The following RBBP8 variants were observed in gnomAD, a reference collection of about 807,000 sequenced individuals.
RBBP8 encodes DNA endonuclease RBBP8.
Under a neutral mutation model 108.3 loss-of-function variants are expected in RBBP8, and 88 were observed. The ratio of observed to expected loss-of-function variants is 0.81; its 90% CI spans 0.68 to 0.97. The LOEUF is 0.97. Ranked by LOEUF, RBBP8 falls within the 50% of genes least tolerant of loss-of-function variation. The pLI is 0.00. For synonymous variants in RBBP8, 332 were observed against 348.2 expected, an observed-to-expected ratio of 0.95 and a Z score of 0.52; for missense variants, 1,023 against 1,049.0, an observed-to-expected ratio of 0.98 and a Z score of 0.34.
chr18:23,016,773 G>T, intron 16 of RBBP8, 55 bp from the exon 17 acceptor site: 2 of 1,249,458 alleles, frequency 1.6e-6, no homozygotes, highest in South Asian at 2.4e-5. Context: ...ATGTTTTGGG[G>T]ATTATTTCTC....
At chr18:22,985,971 A>G (rs774894537) in intron 8 of RBBP8, among the ~76,000 whole-genome samples, 18 of 148,412 alleles carry the variant, frequency 1.2e-4, no homozygotes, top group Non-Finnish European at 2.5e-4. Flanking sequence ...CCCCCACCCC[A>G]GCATTTTTAG....
chr18:22,982,394 G>A lies in RBBP8; in HGVS notation c.604+1G>A. 1 of 1,613,862 alleles carries A rather than the reference G, an allele frequency of 6.2e-7. No homozygotes were observed. The highest frequency in any genetic ancestry group is 8.5e-7 in the Non-Finnish European group (1 of 1,179,950). ...TTGGAGCACTCTGTGTGTGCAAATGGTAAGAGTTGGAGTTGTATTTTAGTT... is the reference window on the plus strand; with the variant it reads ...TTGGAGCACTCTGTGTGTGCAAATGATAAGAGTTGGAGTTGTATTTTAGTT... On this transcript the variant is annotated splice_donor_variant, in intron 7 of 18. Transcript: ENST00000327155. LOFTEE classifies it high-confidence loss of function.
intron 17 of RBBP8, among the ~76,000 whole-genome samples, chr18:23,018,392 T>A (rs551979707): frequency 1.3e-5 from 2 of 152,186 alleles, no homozygotes; most frequent in South Asian, 4.2e-4. Flanking sequence ...GAATAAATAC[T>A]TAAACACTTA....
At position 22,984,992 on chromosome 18, in the gene RBBP8, T is replaced by A. The variant is rs1440762762; in HGVS notation, c.709+2T>A. 1 of 1,610,782 alleles carries A rather than the reference T, an allele frequency of 6.2e-7. No individual in the cohort carries two copies. Among genetic ancestry groups the A allele is most frequent in the East Asian group, 2.2e-5 (1 of 44,650 alleles). ...ACCAAAGTCAATCTCCAATGGCCAG[T>A]AAGCAAGATACTGAGATTACTTTAC... On this transcript the variant is annotated splice_donor_variant, in intron 8 of 18. Coordinates refer to ENST00000327155, the MANE Select transcript of RBBP8 (RefSeq NM_002894.3). LOFTEE classifies it high-confidence loss of function.
intron 12 of RBBP8, among the ~76,000 whole-genome samples, chr18:22,994,534 C>A (rs1256291476): frequency 6.8e-6 from 1 of 147,818 alleles, no homozygotes; most frequent in Non-Finnish European, 1.5e-5. Flanking sequence ...CCCAGCTATT[C>A]GGGAGGCTGA....
In RBBP8 at chr18:22,946,461, A is replaced by C; in HGVS notation, c.127A>C (p.Thr43Pro). The change falls in exon 3 of 19, where the codon ACC becomes CCC. Residue 43 changes from threonine (T) to proline (P), a missense_variant. Thr to Pro is a conservative substitution (Grantham distance 38). Transcript: ENST00000327155. Reference protein sequence around the residue: ...REVQGLQVKVTKLKQERILDA... With the variant: ...REVQGLQVKVPKLKQERILDA... ...CTTTTCAGGTTTACAAGTAAAAGTA[A>C]CCAAGCTAAAACAGGAACGAATCTT... The C allele has an allele frequency of 6.2e-7, 1 of 1,612,884 alleles. No homozygotes were observed. The highest frequency in any genetic ancestry group is 8.5e-7 in the Non-Finnish European group (1 of 1,179,276).
In RBBP8 at chr18:22,933,376, A is replaced by AGCCCGGCCGGCAGC. The variant is rs1910173144; in HGVS notation, c.-286_-273dup. ...GGCGGGGCGGGTCCGGCCGCCTCCG[A>AGCCCGGCCGGCAGC]GCCCGGCCGGCAGCCCCCGGCCTTA... On this transcript the variant is annotated 5_prime_UTR_variant, in exon 1 of 19. Transcript: ENST00000327155. 1 of 152,400 alleles carries AGCCCGGCCGGCAGC rather than the reference A, an allele frequency of 6.6e-6. No individual in the cohort carries two copies. The highest frequency in any genetic ancestry group is 2.1e-4 in the South Asian group (1 of 4,802). 9.4% of individuals were successfully genotyped at this position (152,400 alleles called of 1,614,324 possible).
intron 4 of RBBP8, among the ~76,000 whole-genome samples, chr18:22,968,559 A>G (rs540787197): frequency 5.9e-5 from 9 of 152,366 alleles, no homozygotes; most frequent in African/African-American, 1.9e-4. Context: ...AGCTTCTTCA[A>G]TAAATAAGTT....
chr18:23,023,298 T>G (rs551108062), intron 18 of RBBP8, among the ~76,000 whole-genome samples: 1 of 152,310 alleles, frequency 6.6e-6, no homozygotes, highest in South Asian at 2.1e-4. Flanking sequence ...ATTTTGGATT[T>G]TAAAACCTCA....
chr18:22,949,504 T>C, intron 3 of RBBP8, 114 bp from the exon 4 acceptor site: 2 of 791,278 alleles, frequency 2.5e-6, no homozygotes, highest in South Asian at 3.0e-5. Flanking sequence ...CCTGACCTTT[T>C]CAGTTGTTTT....
chr18:22,931,301 T>G (rs1300624467), upstream of RBBP8, among the ~76,000 whole-genome samples: 3 of 152,056 alleles, frequency 2.0e-5, no homozygotes, highest in Non-Finnish European at 4.4e-5. Context: ...AAAAGTCTAG[T>G]GAGACCAGAG....
chr18:22,952,796 C>G (rs1304008591), intron 4 of RBBP8, among the ~76,000 whole-genome samples: 1 of 152,184 alleles, frequency 6.6e-6, no homozygotes, highest in East Asian at 1.9e-4. Flanking sequence ...ACATATCTCT[C>G]TCAGCCTTTA....
chr18:22,943,079 A>G (rs995068348), intron 2 of RBBP8, among the ~76,000 whole-genome samples: 2 of 152,004 alleles, frequency 1.3e-5, no homozygotes, highest in African/African-American at 4.8e-5. Flanking sequence ...CTATACATAG[A>G]ATCAAAAATT....
chr18:23,005,658 C>T (rs1483120718), intron 15 of RBBP8, among the ~76,000 whole-genome samples: 1 of 152,022 alleles, frequency 6.6e-6, no homozygotes, highest in Non-Finnish European at 1.5e-5. Context: ...GGTGATCCAC[C>T]CACCTCGGCC....
chr18:22,951,476 C>A (rs1257111083), intron 4 of RBBP8, among the ~76,000 whole-genome samples: 1 of 151,822 alleles, frequency 6.6e-6, no homozygotes, highest in Non-Finnish European at 1.5e-5. Flanking sequence ...GAAAAAAAAA[C>A]CAAACGCAGC....
chr18:22,980,965 C>CTTTTTTTTGTTTTTTTT (rs1914882332), intron 6 of RBBP8, among the ~76,000 whole-genome samples: 1 of 69,490 alleles, frequency 1.4e-5, no homozygotes, highest in Non-Finnish European at 2.6e-5. Flanking sequence ...CCACTTATGT[C>CTTTTTTTTGTTTTTTTT]TTTTTTTTTT....
At chr18:23,001,863 G>C (rs2045954556) in intron 15 of RBBP8, 134 bp downstream of exon 15, 1 of 1,287,776 alleles carries the variant, frequency 7.8e-7, no homozygotes, top group African/African-American at 1.5e-5. Context: ...ATTTTTTCAG[G>C]TTTTTAAAAT....
Position 23,023,550 on chromosome 18 carries a change from C to G in RBBP8, c.2596+1280C>G, listed in dbSNP as rs1410362314. On this transcript the variant is annotated intron_variant, in intron 18 of 18. Transcript: ENST00000327155. ...ATTTTTCTGGTTTTATATTTTCTAC[C>G]AAAATTAAGTTAGTTGGGTATGTGA... Among the ~76,000 whole-genome samples the G allele has an allele frequency of 2.6e-5, 4 of 152,022 alleles. No individual in the cohort carries two copies. In the East Asian group the frequency reaches 7.7e-4, roughly 29 times the overall value.
At chr18:22,935,265 C>T (rs1325228193) in intron 1 of RBBP8, among the ~76,000 whole-genome samples, 2 of 149,900 alleles carry the variant, frequency 1.3e-5, no homozygotes, top group African/African-American at 4.9e-5. Context: ...TTCATCTCTT[C>T]ACCCAACATC....
Sources: gnomAD v4.1 joint callset for allele counts (sites outside exome capture counted in the v4.1 genomes callset) on GRCh38, gnomAD v4.1.1 for gene constraint, MANE v1.5 for transcripts, NCBI Gene and HGNC (gene_info 2026-07-23, HGNC 2026-07-21) for gene names.